The following MTDH variants were observed in gnomAD, a reference collection of about 807,000 sequenced individuals.
MTDH encodes protein LYRIC.
In MTDH, 34 loss-of-function variants were observed where a neutral mutation model predicts 72.7. That is an observed-to-expected ratio of 0.47 (90% CI 0.36 to 0.62). MTDH has a LOEUF of 0.62. Ranked by LOEUF, MTDH falls within the 20% of genes least tolerant of loss-of-function variation. The probability of loss-of-function intolerance (pLI) is 0.00; values close to 1 mark genes in which losing one functional copy is unlikely to be tolerated. For synonymous variants in MTDH, 266 were observed against 268.9 expected, an observed-to-expected ratio of 0.99 and a Z score of 0.10; for missense variants, 677 against 699.4, an observed-to-expected ratio of 0.97 and a Z score of 0.36.
Position 97,644,441 on chromosome 8 carries a change from C to G in MTDH, c.-66C>G. ...CCCGGCCCGGCCCTTCCTCGCTTCC[C>G]TCGACTATTCCACTGCGTCTCCGCG... is the stretch of plus-strand genomic sequence containing the variant. On this transcript the variant is annotated 5_prime_UTR_variant, in exon 1 of 12. Coordinates refer to ENST00000336273, the MANE Select transcript of MTDH (RefSeq NM_178812.4). 1 of 1,507,302 alleles carries G rather than the reference C, an allele frequency of 6.6e-7. No homozygotes were observed. The highest frequency in any genetic ancestry group is 8.8e-7 in the Non-Finnish European group (1 of 1,136,512). The allele number at this position is 1,507,302 out of a possible 1,614,324, so 93.4% of individuals were successfully genotyped here.
chr8:97,669,881 C>A (rs1812541931), intron 2 of MTDH, among the ~76,000 whole-genome samples: 1 of 148,850 alleles, frequency 6.7e-6, no homozygotes, highest in Non-Finnish European at 1.5e-5. Context: ...AGAGATCGCA[C>A]CACTGCACTC....
intron 9 of MTDH, among the ~76,000 whole-genome samples, chr8:97,718,335 C>G (rs1170066387): frequency 1.3e-5 from 2 of 152,128 alleles, no homozygotes; most frequent in Non-Finnish European, 2.9e-5. Flanking sequence ...GAGCCACTGC[C>G]AAATCTATCC....
rs558820343 is a variant in MTDH at position 97,718,979 on chromosome 8, C to T, written c.1381-70C>T. 5 of 1,418,306 alleles carry T rather than the reference C, an allele frequency of 3.5e-6. No homozygotes were observed. In the South Asian group the frequency reaches 5.4e-5, roughly 15 times the overall value. The allele number at this position is 1,418,306 out of a possible 1,614,324, so 87.9% of individuals were successfully genotyped here. On this transcript the variant is annotated intron_variant, in intron 9 of 11. Transcript: ENST00000336273. ...CCAGAGTGCTGGGATTACAGCCATA[C>T]ACCACCATAGATTTTAATTAATGAA...
chr8:97,660,975 A>G, intron 1 of MTDH, 97 bp from the exon 2 acceptor site: 1 of 836,350 alleles, frequency 1.2e-6, no homozygotes, highest in South Asian at 1.8e-5. Context: ...GTACAGAGGT[A>G]GGATTTGATT....
chr8:97,647,716 G>A (rs1811619131), intron 1 of MTDH, among the ~76,000 whole-genome samples: 1 of 152,174 alleles, frequency 6.6e-6, no homozygotes, highest in Admixed American at 6.5e-5. Context: ...TCTTAGTTGA[G>A]TTAAAACACT....
chr8:97,676,865 C>T (rs995934650), intron 2 of MTDH, among the ~76,000 whole-genome samples: 20 of 151,526 alleles, frequency 1.3e-4, no homozygotes, highest in African/African-American at 4.4e-4. Flanking sequence ...ATTAGCTGGG[C>T]GTGGTGGCAC....
intron 1 of MTDH, among the ~76,000 whole-genome samples, chr8:97,657,542 TG>T (rs1250341029): frequency 6.6e-6 from 1 of 152,116 alleles, no homozygotes; most frequent in Non-Finnish European, 1.5e-5. Context: ...CTCACTTTTT[TG>T]CCCAGGCTAG....
intron 7 of MTDH, among the ~76,000 whole-genome samples, chr8:97,704,226 A>G (rs1042130700): frequency 5.9e-5 from 9 of 152,170 alleles, no homozygotes; most frequent in African/African-American, 1.9e-4. Context: ...TCTGTATTTA[A>G]TAGTTTGTTA....
chr8:97,718,282 A>G (rs1413077521), intron 9 of MTDH, among the ~76,000 whole-genome samples: 1 of 152,144 alleles, frequency 6.6e-6, no homozygotes, highest in African/African-American at 2.4e-5. Flanking sequence ...ACCTCAGGTG[A>G]TCTGCCTGCC....
At chr8:97,709,159 A>G (rs1315721565) in intron 8 of MTDH, among the ~76,000 whole-genome samples, 1 of 150,190 alleles carries the variant, frequency 6.7e-6, no homozygotes, top group Non-Finnish European at 1.5e-5. Context: ...GTGCCACTGC[A>G]CTCCAGCCTG....
chr8:97,724,478 A>G, intron 11 of MTDH, 122 bp from the exon 12 acceptor site: 1 of 656,710 alleles, frequency 1.5e-6, no homozygotes, highest in South Asian at 2.5e-5. Flanking sequence ...TTGAAAACTT[A>G]AACATAAAAT....
rs1172321809 is a variant in MTDH at position 97,708,244 on chromosome 8, C to T, written c.1272+1494C>T. On this transcript the variant is annotated intron_variant, in intron 8 of 11. Transcript: ENST00000336273. ...CCTCCCAAAGTGCTGGGATTACAGG[C>T]ATGAGCCACCATGCCAGGCCTTTTT... 1.3e-4 allele frequency among the ~76,000 whole-genome samples: 18 copies of T among 139,836 alleles called. No individual in the cohort carries two copies. The East Asian group carries it at 3.6e-3, about 28-fold the overall frequency. The allele number at this position is 139,836 out of a possible 152,430, so 91.7% of individuals were successfully genotyped here.
chr8:97,651,200 A>G (rs1811758889), intron 1 of MTDH, among the ~76,000 whole-genome samples: 2 of 152,220 alleles, frequency 1.3e-5, no homozygotes, highest in South Asian at 4.1e-4. Flanking sequence ...AATACCATAT[A>G]CAATACATGG....
intron 8 of MTDH, among the ~76,000 whole-genome samples, chr8:97,709,790 G>GA (rs1266227906): frequency 5.3e-5 from 8 of 152,152 alleles, no homozygotes; most frequent in African/African-American, 1.9e-4. Flanking sequence ...ATGGGATTGG[G>GA]AAGCGGTATA....
rs542551347 is a variant in MTDH, at chr8:97,667,339, T to C, written c.483+6166T>C. On this transcript the variant is annotated intron_variant, in intron 2 of 11. Transcript: ENST00000336273. The stretch of plus-strand genomic sequence containing the variant: ...GCTAGTTTCACTTGAGTGTCCTTAA[T>C]GAAGCAGCAAAAATTATTATTAGCT... Among the ~76,000 whole-genome samples the C allele has an allele frequency of 9.2e-5, 14 of 152,366 alleles. No homozygotes were observed. In the East Asian group the frequency reaches 2.7e-3, roughly 29 times the overall value.
rs1177140113 is a variant in MTDH, at chr8:97,730,088, T to C, written c.*5418T>C. On this transcript the variant is annotated 3_prime_UTR_variant, in exon 12 of 12. Coordinates refer to ENST00000336273, the MANE Select transcript of MTDH (RefSeq NM_178812.4). ...TAGTTACAGTACTGAAGCTTGTGAA[T>C]ACGTTAATTGAGAAAACTTTAAGCA... 1.3e-5 allele frequency among the ~76,000 whole-genome samples: 2 copies of C among 152,194 alleles called. No individual in the cohort carries two copies. The highest frequency in any genetic ancestry group is 2.9e-5 in the Non-Finnish European group (2 of 68,036).
At chr8:97,646,216 G>A (rs62521669) in intron 1 of MTDH, among the ~76,000 whole-genome samples, 22,774 of 152,090 alleles carry the variant, frequency 0.15, 1,941 homozygotes, top group East Asian at 0.33. Context: ...AGATGTGACA[G>A]GTCACAGTTA....
At chr8:97,713,079 A>T (rs1335143770) in intron 8 of MTDH, among the ~76,000 whole-genome samples, 3 of 151,962 alleles carry the variant, frequency 2.0e-5, no homozygotes, top group Non-Finnish European at 2.9e-5. Flanking sequence ...TTAATTTTTT[A>T]TTTTTATTTA....
intron 10 of MTDH, among the ~76,000 whole-genome samples, chr8:97,722,527 G>A (rs1432185785): frequency 1.3e-5 from 2 of 152,256 alleles, no homozygotes; most frequent in Admixed American, 6.5e-5. Flanking sequence ...GTTTGAACCC[G>A]GGAGGCGGAG....
Sources: allele counts gnomAD v4.1 joint callset (sites outside exome capture counted in the v4.1 genomes callset), GRCh38; gene constraint gnomAD v4.1.1; transcripts MANE v1.5; gene names NCBI Gene and HGNC (gene_info 2026-07-23, HGNC 2026-07-21).